Variants in SAMD12 observed in about 807,000 individuals in gnomAD.
SAMD12 encodes the protein sterile alpha motif domain-containing protein 12.
Under a neutral mutation model 15.0 loss-of-function variants are expected in SAMD12, and 9 were observed. The ratio of observed to expected loss-of-function variants is 0.60; its 90% CI spans 0.36 to 1.05. The LOEUF is 1.05. Among genes scored for constraint, SAMD12 ranks in the 50% least tolerant of loss-of-function variants. The pLI is 0.01. For missense variants in SAMD12, 230 were observed against 234.2 expected, an observed-to-expected ratio of 0.98 and a Z score of 0.12; for synonymous variants, 86 against 90.1, an observed-to-expected ratio of 0.96 and a Z score of 0.25.
At chr8:118,179,157 A>G in the SAMD12 span, among the ~76,000 whole-genome samples, 2 of 152,162 alleles carry the variant, frequency 1.3e-5, no homozygotes, top group African/African-American at 2.4e-5. Flanking sequence ...ATTCTAAATA[A>G]GGGGCCGGAT....
chr8:118,269,293 G>A (rs1272687450), intron 4 of SAMD12, among the ~76,000 whole-genome samples: 3 of 148,980 alleles, frequency 2.0e-5, no homozygotes, highest in Non-Finnish European at 4.4e-5. Context: ...GTGTGCATTC[G>A]ACCTGCTTTC....
intron 4 of SAMD12, among the ~76,000 whole-genome samples, chr8:118,342,269 G>A (rs780936474): frequency 8.8e-5 from 13 of 147,586 alleles, no homozygotes; most frequent in African/African-American, 3.1e-4. Context: ...ACACCAGCCT[G>A]GGCGACAGAG....
At chr8:118,468,210 A>G (rs1823652189) in intron 2 of SAMD12, among the ~76,000 whole-genome samples, 1 of 152,242 alleles carries the variant, frequency 6.6e-6, no homozygotes, top group African/African-American at 2.4e-5. Context: ...TAAATGGTGG[A>G]AAAACAGCTG....
At chr8:118,265,811 G>A (rs781531771) in intron 4 of SAMD12, among the ~76,000 whole-genome samples, 31 of 151,734 alleles carry the variant, frequency 2.0e-4, no homozygotes, top group Non-Finnish European at 4.3e-4. Flanking sequence ...TGAAGGGAAG[G>A]TTTACAGGTT....
intron 2 of SAMD12, among the ~76,000 whole-genome samples, chr8:118,519,950 G>A (rs149516943): frequency 1.8e-4 from 27 of 152,144 alleles, no homozygotes; most frequent in East Asian, 7.7e-4. Flanking sequence ...TAATAATTAC[G>A]TTGGTGCTTC....
chr8:118,492,837 G>A (rs1023215280), intron 2 of SAMD12, among the ~76,000 whole-genome samples: 3 of 152,122 alleles, frequency 2.0e-5, no homozygotes, highest in African/African-American at 7.2e-5. Flanking sequence ...ATATTCTACT[G>A]TTTTAAGTAC....
intron 4 of SAMD12, among the ~76,000 whole-genome samples, chr8:118,279,620 A>G (rs1813560049): frequency 6.6e-6 from 1 of 152,252 alleles, no homozygotes; most frequent in Non-Finnish European, 1.5e-5. Context: ...GCTGTCACAT[A>G]CAGAACTGAA....
At chr8:118,204,707 T>C (rs1478020955) in intron 4 of SAMD12, among the ~76,000 whole-genome samples, 2 of 151,984 alleles carry the variant, frequency 1.3e-5, no homozygotes, top group African/African-American at 4.8e-5. Context: ...TGAGCCGAGA[T>C]TGCGTCACTG....
intron 1 of SAMD12, among the ~76,000 whole-genome samples, chr8:118,609,434 T>C (rs895970783): frequency 2.0e-5 from 3 of 152,206 alleles, no homozygotes; most frequent in Non-Finnish European, 4.4e-5. Context: ...AACCGAAGAT[T>C]AGGAAGATTC....
chr8:118,308,760 A>G (rs1002414036), intron 4 of SAMD12, among the ~76,000 whole-genome samples: 3 of 151,892 alleles, frequency 2.0e-5, no homozygotes, highest in African/African-American at 4.8e-5. Flanking sequence ...AGACCCCTCT[A>G]CTGCACAGAT....
exon 5 of SAMD12, chr8:118,191,621 C>A (rs1263622066): frequency 6.6e-6 from 1 of 150,782 alleles, no homozygotes; most frequent in East Asian, 2.0e-4. Flanking sequence ...GAAAACATAA[C>A]CTTGGTCCTC....
chr8:118,203,218 A>T (rs1819762098), intron 4 of SAMD12, among the ~76,000 whole-genome samples: 1 of 152,260 alleles, frequency 6.6e-6, no homozygotes, highest in Non-Finnish European at 1.5e-5. Flanking sequence ...CATGAATCCT[A>T]TACATGGAGT....
rs1812918947 is a variant in SAMD12, at chr8:118,255,586, T to C, written c.434-57854A>G. On this transcript the variant is annotated intron_variant, in intron 4 of 4. Transcript: ENST00000409003. The stretch of plus-strand genomic sequence containing the variant: ...GTTCTCATTGTTCAATTCCCACCTA[T>C]GAGTGAGAACATGTGGTGTTTGGTT... Among the ~76,000 whole-genome samples the C allele has an allele frequency of 2.8e-5, 4 of 144,826 alleles. No individual in the cohort carries two copies. In the South Asian group the frequency reaches 9.0e-4, roughly 32 times the overall value.
At chr8:118,193,429 T>C (rs1199223583) in exon 5 of SAMD12, 3 of 152,182 alleles carry the variant, frequency 2.0e-5, no homozygotes, top group Non-Finnish European at 4.4e-5. Context: ...CATAGGATAA[T>C]TTTCTGGATT....
chr8:118,605,149 G>A (rs1179896323), intron 1 of SAMD12, among the ~76,000 whole-genome samples: 1 of 152,072 alleles, frequency 6.6e-6, no homozygotes, highest in Non-Finnish European at 1.5e-5. Flanking sequence ...TGTTTTCTAA[G>A]TCTCTAGCCT....
intron 4 of SAMD12, among the ~76,000 whole-genome samples, chr8:118,206,619 G>A (rs1028559771): frequency 2.0e-5 from 3 of 152,192 alleles, no homozygotes; most frequent in African/African-American, 7.2e-5. Flanking sequence ...TACACATATT[G>A]TTACATAGAA....
At chr8:118,302,847 G>T (rs1815120347) in intron 4 of SAMD12, among the ~76,000 whole-genome samples, 1 of 152,176 alleles carries the variant, frequency 6.6e-6, no homozygotes, top group African/African-American at 2.4e-5. Flanking sequence ...TTACCTCCAG[G>T]TGGGATAGAA....
At chr8:118,578,214 A>G (rs73319346) in intron 2 of SAMD12, among the ~76,000 whole-genome samples, 5,504 of 152,238 alleles carry the variant, frequency 0.036, 339 homozygotes, top group African/African-American at 0.13. Flanking sequence ...CAGGTCTTCT[A>G]CATCCTCATA....
intron 1 of SAMD12, among the ~76,000 whole-genome samples, chr8:118,589,867 C>T (rs987044749): frequency 6.6e-6 from 1 of 152,098 alleles, no homozygotes; most frequent in Admixed American, 6.5e-5. Context: ...TAAAGTAGTT[C>T]CTCTTGCATC....
Sources: allele counts gnomAD v4.1 joint callset (sites outside exome capture counted in the v4.1 genomes callset), GRCh38; gene constraint gnomAD v4.1.1; transcripts MANE v1.5; gene names NCBI Gene and HGNC (gene_info 2026-07-23, HGNC 2026-07-21).